The following SLC24A2 variants were observed in gnomAD, a reference collection of about 807,000 sequenced individuals.
SLC24A2 encodes the protein sodium/potassium/calcium exchanger 2.
SLC24A2 carries 36 observed loss-of-function variants against 62.0 expected under a neutral mutation model. The observed-to-expected ratio is 0.58, with a 90% CI of 0.44 to 0.77. The LOEUF is 0.77. Ranked by LOEUF, SLC24A2 falls within the 30% of genes least tolerant of loss-of-function variation. SLC24A2 has a pLI of 0.00. For synonymous variants in SLC24A2, 358 were observed against 294.0 expected (o/e 1.22, Z -2.23); for missense variants, 846 against 817.9 (o/e 1.03, Z -0.42).
At chr9:19,688,455 C>A (rs1819949229) in intron 2 of SLC24A2, among the ~76,000 whole-genome samples, 1 of 152,030 alleles carries the variant, frequency 6.6e-6, no homozygotes, top group Non-Finnish European at 1.5e-5. Flanking sequence ...AACACAAAAC[C>A]TAAAAGTGAT....
the SLC24A2 span, among the ~76,000 whole-genome samples, chr9:20,163,129 A>G: frequency 1.3e-5 from 2 of 152,152 alleles, no homozygotes; most frequent in African/African-American, 4.8e-5. Flanking sequence ...AGTTCTGGCC[A>G]GGGCAATTAG....
the SLC24A2 span, among the ~76,000 whole-genome samples, chr9:20,298,946 T>C: frequency 6.6e-6 from 1 of 152,206 alleles, no homozygotes; most frequent in Non-Finnish European, 1.5e-5. Flanking sequence ...TACAGACCTG[T>C]GCTGAACAGG....
chr9:20,056,830 T>G, the SLC24A2 span, among the ~76,000 whole-genome samples: 1 of 152,322 alleles, frequency 6.6e-6, no homozygotes, highest in East Asian at 1.9e-4. Context: ...TATATGCATC[T>G]CCATCCTCTT....
At chr9:19,904,711 A>C in the SLC24A2 span, among the ~76,000 whole-genome samples, 3 of 152,184 alleles carry the variant, frequency 2.0e-5, no homozygotes, top group Admixed American at 1.3e-4. Flanking sequence ...TTGCTGTTTC[A>C]TATTCCTCAC....
Position 19,730,409 on chromosome 9 carries a change from T to C in SLC24A2, c.930+55528A>G, listed in dbSNP as rs1388965246. ...TTTAACGTATATATTTATCTGTCCA[T>C]GTATACAGAGGTAGAATTACAAAGA... On this transcript the variant is annotated intron_variant, in intron 2 of 10. Transcript: ENST00000341998. Among the ~76,000 whole-genome samples, 5 of 152,304 alleles carry C rather than the reference T, an allele frequency of 3.3e-5. No homozygotes were observed. The South Asian group carries it at 1.0e-3, about 32-fold the overall frequency.
chr9:19,968,000 G>C, the SLC24A2 span: 2 of 152,014 alleles, frequency 1.3e-5, no homozygotes, highest in Non-Finnish European at 2.9e-5. Context: ...TTCACTAATG[G>C]AAGTAGAGGG....
At chr9:20,180,752 C>T in the SLC24A2 span, among the ~76,000 whole-genome samples, 3 of 152,168 alleles carry the variant, frequency 2.0e-5, no homozygotes, top group African/African-American at 7.2e-5. Context: ...ACCTCCAAGC[C>T]ATGTAGGTTT....
chr9:20,176,998 C>G, the SLC24A2 span, among the ~76,000 whole-genome samples: 16 of 152,168 alleles, frequency 1.1e-4, no homozygotes, highest in African/African-American at 3.4e-4. Flanking sequence ...TTAACACAGT[C>G]TTTACTATGC....
At chr9:20,116,152 C>G in the SLC24A2 span, among the ~76,000 whole-genome samples, 1 of 152,120 alleles carries the variant, frequency 6.6e-6, no homozygotes, top group African/African-American at 2.4e-5. Flanking sequence ...ATAATAGACT[C>G]TAGTCCATTT....
chr9:20,009,891 G>GTA, the SLC24A2 span, among the ~76,000 whole-genome samples: 1 of 152,154 alleles, frequency 6.6e-6, no homozygotes, highest in African/African-American at 2.4e-5. Flanking sequence ...AGAGCCTGTG[G>GTA]CCCTGCCCAC....
chr9:19,975,900 T>TTTTGTTTGTTTGTTTG, the SLC24A2 span, among the ~76,000 whole-genome samples: 279 of 151,010 alleles, frequency 1.8e-3, 1 homozygote, highest in Non-Finnish European at 2.7e-3. Flanking sequence ...AAACATACGT[T>TTTTGTTTGTTTGTTTG]TTTGTTTGTT....
At chr9:20,230,448 T>G in the SLC24A2 span, among the ~76,000 whole-genome samples, 9 of 152,214 alleles carry the variant, frequency 5.9e-5, no homozygotes, top group Non-Finnish European at 1.0e-4. Context: ...ACATGGTATC[T>G]CATTGTGGTT....
At chr9:20,080,680 G>A in the SLC24A2 span, among the ~76,000 whole-genome samples, 1 of 152,146 alleles carries the variant, frequency 6.6e-6, no homozygotes, top group Non-Finnish European at 1.5e-5. Flanking sequence ...TACCATCAGA[G>A]TGAACAGGCA....
the SLC24A2 span, among the ~76,000 whole-genome samples, chr9:20,224,951 T>C: frequency 1.3e-5 from 2 of 152,058 alleles, no homozygotes; most frequent in African/African-American, 4.8e-5. Flanking sequence ...AAGCAGCCAA[T>C]GACTACAAAT....
At chr9:20,307,799 G>C in the SLC24A2 span, among the ~76,000 whole-genome samples, 1 of 152,146 alleles carries the variant, frequency 6.6e-6, no homozygotes, top group African/African-American at 2.4e-5. Context: ...CTTGCAGAAG[G>C]TGCTGGGATA....
At chr9:19,811,244 C>G in the SLC24A2 span, among the ~76,000 whole-genome samples, 1 of 152,066 alleles carries the variant, frequency 6.6e-6, no homozygotes, top group African/African-American at 2.4e-5. Context: ...TCAACAGAGC[C>G]CAAACATATT....
At chr9:19,521,607 C>T (rs1833202614) in intron 9 of SLC24A2, among the ~76,000 whole-genome samples, 1 of 152,180 alleles carries the variant, frequency 6.6e-6, no homozygotes, top group African/African-American at 2.4e-5. Flanking sequence ...CATAGCAAAG[C>T]AACTGTGGAG....
the SLC24A2 span, among the ~76,000 whole-genome samples, chr9:19,874,042 G>A: frequency 4.0e-4 from 60 of 148,900 alleles, no homozygotes; most frequent in African/African-American, 1.1e-3. Flanking sequence ...CTATAAACTC[G>A]TACATATGAT....
chr9:20,019,695 G>A, the SLC24A2 span, among the ~76,000 whole-genome samples: 2 of 152,058 alleles, frequency 1.3e-5, no homozygotes, highest in Non-Finnish European at 2.9e-5. Context: ...CGAAAGAAAT[G>A]GCAACAAAAG....
Sources: gnomAD v4.1 joint callset for allele counts (sites outside exome capture counted in the v4.1 genomes callset) on GRCh38, gnomAD v4.1.1 for gene constraint, MANE v1.5 for transcripts, NCBI Gene and HGNC (gene_info 2026-07-23, HGNC 2026-07-21) for gene names.